MYT1L: variants seen among roughly 807,000 people sequenced by gnomAD.
MYT1L encodes the protein myelin transcription factor 1 like.
Under a neutral mutation model 126.7 loss-of-function variants are expected in MYT1L, and 12 were observed. The observed-to-expected ratio is 0.09, with a 90% confidence interval of 0.06 to 0.15. The LOEUF (loss-of-function observed/expected upper bound fraction) is 0.15. Ranked by LOEUF, MYT1L falls within the 10% of genes least tolerant of loss-of-function variation. The pLI is 1.00. For synonymous variants in MYT1L, 541 were observed against 604.2 expected, an observed-to-expected ratio of 0.90 and a Z score of 1.53; for missense variants, 979 against 1,585.2, an observed-to-expected ratio of 0.62 and a Z score of 6.49.
chr2:2,094,427 T>C (rs1250688885), intron 3 of MYT1L, among the ~76,000 whole-genome samples: 6 of 152,184 alleles, frequency 3.9e-5, no homozygotes, highest in Non-Finnish European at 7.3e-5. Flanking sequence ...ACTGGGTATA[T>C]ACCCAAAGGA....
At chr2:1,952,250 C>T (rs540252920) in intron 8 of MYT1L, among the ~76,000 whole-genome samples, 43 of 152,148 alleles carry the variant, frequency 2.8e-4, no homozygotes, top group African/African-American at 1.0e-3. Flanking sequence ...TTTTTAAAGT[C>T]ACTTTAAATG....
At chr2:2,117,938 T>C (rs555198055) in intron 3 of MYT1L, among the ~76,000 whole-genome samples, 38 of 151,994 alleles carry the variant, frequency 2.5e-4, no homozygotes, top group Non-Finnish European at 4.9e-4. Context: ...CTTATGCTTA[T>C]GTTTGGGGTG....
intron 8 of MYT1L, among the ~76,000 whole-genome samples, chr2:1,949,383 C>T (rs2057533008): frequency 6.6e-6 from 1 of 152,174 alleles, no homozygotes; most frequent in South Asian, 2.1e-4. Context: ...CCACCCCCTC[C>T]AAGCCAGCCT....
chr2:1,986,736 G>A lies in MYT1L; in HGVS notation c.1-6959C>T, dbSNP rs142055242. Among the ~76,000 whole-genome samples the A allele has an allele frequency of 3.9e-3, 588 of 152,262 alleles. 2 individuals carry two copies. The highest frequency in any genetic ancestry group is 0.014 in the African/African-American group (567 of 41,558). ...AGCGCTAGGGGCCAGGAAGAGAGAG[G>A]CCTCACTTCACTTTGGAGGCCTCAT... On this transcript the variant is annotated intron_variant, in intron 5 of 24. Transcript: ENST00000647738.
intron 14 of MYT1L, among the ~76,000 whole-genome samples, chr2:1,897,336 G>A (rs566614565): frequency 6.6e-6 from 1 of 152,204 alleles, no homozygotes; most frequent in Admixed American, 6.5e-5. Context: ...GCAGAGCAGG[G>A]GCTTCAAATT....
chr2:1,998,898 G>A (rs1435550011), intron 4 of MYT1L, among the ~76,000 whole-genome samples: 1 of 151,924 alleles, frequency 6.6e-6, no homozygotes, highest in African/African-American at 2.4e-5. Flanking sequence ...GAAAAAAAAA[G>A]AAAAGAAAGA....
intron 14 of MYT1L, among the ~76,000 whole-genome samples, chr2:1,899,883 T>C (rs374011083): frequency 7.2e-5 from 11 of 152,302 alleles, no homozygotes; most frequent in African/African-American, 2.6e-4. Flanking sequence ...GATTGACAGA[T>C]GGACAGCAAG....
rs190481986 is a variant in MYT1L at position 2,322,579 on chromosome 2, C to T, written c.-521+8388G>A. Among the ~76,000 whole-genome samples the T allele has an allele frequency of 8.0e-5, 12 of 150,754 alleles. No homozygotes were observed. The East Asian group carries it at 2.3e-3, about 29-fold the overall frequency. ...CTCCGTGAAGTGGAGACTAATATGACACAATTTTGACCCTAAAAAAAAAAA... is the reference window on the plus strand; with the variant it reads ...CTCCGTGAAGTGGAGACTAATATGATACAATTTTGACCCTAAAAAAAAAAA... On this transcript the variant is annotated intron_variant, in intron 1 of 24. Transcript: ENST00000647738.
intron 14 of MYT1L, among the ~76,000 whole-genome samples, chr2:1,893,448 C>T (rs999968926): frequency 6.6e-6 from 1 of 152,148 alleles, no homozygotes; most frequent in East Asian, 1.9e-4. Flanking sequence ...TCCCTGGGAC[C>T]GTTGTGAGTG....
At chr2:2,033,426 G>C (rs770496350) in intron 4 of MYT1L, among the ~76,000 whole-genome samples, 3 of 97,956 alleles carry the variant, frequency 3.1e-5, no homozygotes, top group South Asian at 3.7e-4. Context: ...GAGCAGATTC[G>C]AGAAGGAGGG....
At chr2:1,827,289 G>A (rs1345825328) in intron 21 of MYT1L, 2 of 152,204 alleles carry the variant, frequency 1.3e-5, no homozygotes, top group Non-Finnish European at 2.9e-5. Context: ...TCCTGGGCTG[G>A]GGCCACCCTC....
chr2:1,982,480 T>C (rs938366187), intron 5 of MYT1L, among the ~76,000 whole-genome samples: 1 of 152,230 alleles, frequency 6.6e-6, no homozygotes, highest in Non-Finnish European at 1.5e-5. Flanking sequence ...TTCCATTCCA[T>C]CATTCCATTG....
rs2060942548 is a variant in MYT1L at position 1,985,481 on chromosome 2, C to A, written c.1-5704G>T. ...CTAAAACCCTACGTCATAGAAAATACCTCCACGTCTCAATTCTGACTCCAG... is the reference window on the plus strand; with the variant it reads ...CTAAAACCCTACGTCATAGAAAATAACTCCACGTCTCAATTCTGACTCCAG... On this transcript the variant is annotated intron_variant, in intron 5 of 24. Transcript: ENST00000647738. 3.3e-5 allele frequency among the ~76,000 whole-genome samples: 5 copies of A among 152,258 alleles called. No individual in the cohort carries two copies. In the South Asian group the frequency reaches 1.0e-3, roughly 32 times the overall value.
At chr2:2,115,759 A>G (rs530805935) in intron 3 of MYT1L, among the ~76,000 whole-genome samples, 7 of 152,358 alleles carry the variant, frequency 4.6e-5, no homozygotes, top group African/African-American at 1.7e-4. Context: ...GGGTGGGGAC[A>G]GCGGGAGAGC....
chr2:1,931,069 C>T (rs1017893498), intron 9 of MYT1L, among the ~76,000 whole-genome samples: 1 of 152,188 alleles, frequency 6.6e-6, no homozygotes, highest in African/African-American at 2.4e-5. Flanking sequence ...ACACACCCTG[C>T]ATGTGGGAAA....
At chr2:2,280,164 GAGA>G (rs1260483923) in intron 2 of MYT1L, among the ~76,000 whole-genome samples, 3 of 152,194 alleles carry the variant, frequency 2.0e-5, no homozygotes, top group African/African-American at 7.2e-5. Flanking sequence ...TAGATTTTCT[GAGA>G]AGTTTTTCTT....
At chr2:2,185,006 G>A (rs954828545) in intron 2 of MYT1L, among the ~76,000 whole-genome samples, 3 of 152,118 alleles carry the variant, frequency 2.0e-5, no homozygotes, top group Non-Finnish European at 4.4e-5. Flanking sequence ...AATAGTAATT[G>A]CGTCTACTTT....
intron 3 of MYT1L, among the ~76,000 whole-genome samples, chr2:2,068,766 C>CTTTT (rs1370285207): frequency 1.7e-4 from 1 of 5,878 alleles, no homozygotes; most frequent in Non-Finnish European, 3.6e-4. Flanking sequence ...CTGTGTTCTT[C>CTTTT]TTGTTTTTTT....
intron 3 of MYT1L, among the ~76,000 whole-genome samples, chr2:2,063,827 A>G (rs1405282846): frequency 6.6e-6 from 1 of 152,100 alleles, no homozygotes; most frequent in African/African-American, 2.4e-5. Context: ...CTGGGTGACA[A>G]GAGTGAAACT....
Sources: allele counts gnomAD v4.1 joint callset (sites outside exome capture counted in the v4.1 genomes callset), GRCh38; gene constraint gnomAD v4.1.1; transcripts MANE v1.5; gene names NCBI Gene and HGNC (gene_info 2026-07-23, HGNC 2026-07-21).